Variants in TASP1 observed in about 807,000 individuals in gnomAD.
The protein encoded by TASP1 is threonine aspartase 1.
A neutral mutation model predicts 56.6 loss-of-function variants in TASP1; 16 were observed. That is an observed-to-expected ratio of 0.28 (90% CI 0.19 to 0.43). The LOEUF (loss-of-function observed/expected upper bound fraction) is 0.43. TASP1 is among the 20% of genes least tolerant of loss of function. The pLI, the probability that TASP1 is intolerant of heterozygous loss-of-function variation, is 1.00. For synonymous variants in TASP1, 179 were observed against 184.2 expected, an observed-to-expected ratio of 0.97 and a Z score of 0.23; for missense variants, 393 against 511.6, an observed-to-expected ratio of 0.77 and a Z score of 2.24.
intron 12 of TASP1, among the ~76,000 whole-genome samples, chr20:13,419,878 AGTTCTCTTCACCAGAT>A (rs1378618446): frequency 6.6e-6 from 1 of 152,206 alleles, no homozygotes; most frequent in Non-Finnish European, 1.5e-5. Context: ...CAATGAAGCA[AGTTCTCTTCACCAGAT>A]GTTTTTTCGT....
At chr20:13,332,679 G>A in the TASP1 span, among the ~76,000 whole-genome samples, 1 of 152,178 alleles carries the variant, frequency 6.6e-6, no homozygotes, top group Admixed American at 6.5e-5. Context: ...GAATAAGGAA[G>A]GACTGAAAAG....
intron 13 of TASP1, among the ~76,000 whole-genome samples, chr20:13,396,159 C>G (rs1440032956): frequency 1.3e-5 from 2 of 152,104 alleles, no homozygotes; most frequent in Admixed American, 6.5e-5. Flanking sequence ...TGAGTTGACT[C>G]AGGAGACACT....
the TASP1 span, chr20:13,110,312 G>A: frequency 1.9e-6 from 2 of 1,051,122 alleles, no homozygotes; most frequent in Non-Finnish European, 1.4e-6. Context: ...ACAGAGAAAT[G>A]ACTTAGAATT....
chr20:13,490,996 T>C (rs1026703701), intron 10 of TASP1, among the ~76,000 whole-genome samples: 1 of 152,198 alleles, frequency 6.6e-6, no homozygotes, highest in Non-Finnish European at 1.5e-5. Context: ...TCTCATCCTA[T>C]TCTCTGTATG....
chr20:13,545,997 T>C (rs1357143423), intron 8 of TASP1, among the ~76,000 whole-genome samples: 1 of 152,196 alleles, frequency 6.6e-6, no homozygotes, highest in Non-Finnish European at 1.5e-5. Context: ...TGGCTCTCAC[T>C]GATGATTTTG....
At chr20:13,512,503 C>T (rs1000168836) in intron 10 of TASP1, among the ~76,000 whole-genome samples, 1 of 152,154 alleles carries the variant, frequency 6.6e-6, no homozygotes, top group African/African-American at 2.4e-5. Flanking sequence ...TGGCTATTAG[C>T]CCTTTGTCAG....
At chr20:13,528,672 T>C (rs1034226027) in intron 9 of TASP1, among the ~76,000 whole-genome samples, 161 bp from the exon 10 acceptor site, 5 of 152,158 alleles carry the variant, frequency 3.3e-5, no homozygotes, top group African/African-American at 4.8e-5. Flanking sequence ...ACACGATGCT[T>C]TTAATACTAT....
intron 6 of TASP1, among the ~76,000 whole-genome samples, chr20:13,577,248 T>C (rs528976264): frequency 5.1e-4 from 78 of 152,084 alleles, no homozygotes; most frequent in Non-Finnish European, 9.7e-4. Flanking sequence ...TCATAAGACG[T>C]TGTAGGTAGA....
At chr20:13,289,545 C>A in the TASP1 span, among the ~76,000 whole-genome samples, 1 of 152,146 alleles carries the variant, frequency 6.6e-6, no homozygotes, top group South Asian at 2.1e-4. Flanking sequence ...AAACTATGGC[C>A]AGGTCTGGCT....
At chr20:13,512,107 T>C (rs561019273) in intron 10 of TASP1, among the ~76,000 whole-genome samples, 1 of 152,272 alleles carries the variant, frequency 6.6e-6, no homozygotes, top group African/African-American at 2.4e-5. Flanking sequence ...TTATAATCCT[T>C]TGGGTATATA....
chr20:13,480,286 G>T (rs78978533), intron 11 of TASP1, among the ~76,000 whole-genome samples: 5,737 of 152,256 alleles, frequency 0.038, 347 homozygotes, highest in African/African-American at 0.13. Flanking sequence ...ACACAAAGTT[G>T]AGAGTGGAAA....
chr20:13,448,852 A>C (rs1600829582), intron 11 of TASP1, among the ~76,000 whole-genome samples: 1 of 151,938 alleles, frequency 6.6e-6, no homozygotes, highest in East Asian at 1.9e-4. Flanking sequence ...ACTCCCAAAA[A>C]ACAGGACGAA....
intron 2 of TASP1, among the ~76,000 whole-genome samples, chr20:13,627,308 C>T (rs757840388): frequency 3.9e-5 from 6 of 152,180 alleles, no homozygotes; most frequent in Non-Finnish European, 7.3e-5. Flanking sequence ...CACGCTTTTG[C>T]ATAATCAATC....
At chr20:13,428,764 C>T (rs138943584) in intron 12 of TASP1, among the ~76,000 whole-genome samples, 7 of 152,224 alleles carry the variant, frequency 4.6e-5, no homozygotes, top group African/African-American at 1.2e-4. Flanking sequence ...TTCTTGGATG[C>T]TCCTCATTAT....
the TASP1 span, among the ~76,000 whole-genome samples, chr20:13,280,445 T>C: frequency 2.2e-3 from 315 of 141,680 alleles, 1 homozygote; most frequent in African/African-American, 6.6e-3. Flanking sequence ...TGGTTTCCTG[T>C]GTTTTGGGAG....
chr20:13,344,908 G>A, the TASP1 span, among the ~76,000 whole-genome samples: 1 of 152,148 alleles, frequency 6.6e-6, no homozygotes, highest in African/African-American at 2.4e-5. Flanking sequence ...CTGGCTTGAA[G>A]CACATCGAAG....
chr20:13,254,794 C>A, the TASP1 span, among the ~76,000 whole-genome samples: 4 of 152,246 alleles, frequency 2.6e-5, no homozygotes, highest in African/African-American at 9.6e-5. Flanking sequence ...TCTTCTCATC[C>A]TTCCACATCC....
chr20:13,577,062 G>C (rs2046951078), intron 6 of TASP1, among the ~76,000 whole-genome samples: 1 of 152,114 alleles, frequency 6.6e-6, no homozygotes, highest in South Asian at 2.1e-4. Context: ...TAATATGAAA[G>C]AATACGTGGC....
At chr20:13,404,165 T>C (rs2041835164) in intron 13 of TASP1, among the ~76,000 whole-genome samples, 1 of 152,196 alleles carries the variant, frequency 6.6e-6, no homozygotes, top group Admixed American at 6.5e-5. Context: ...TTAAACTTCA[T>C]ATAAATAGAA....
Sources: allele counts gnomAD v4.1 joint callset (sites outside exome capture counted in the v4.1 genomes callset), GRCh38; gene constraint gnomAD v4.1.1; transcripts MANE v1.5; gene names NCBI Gene and HGNC (gene_info 2026-07-23, HGNC 2026-07-21).